PPP3CA: variants seen among roughly 807,000 people sequenced by gnomAD.
PPP3CA encodes the protein protein phosphatase 3 catalytic subunit alpha, also known as CAM-PRP catalytic subunit.
PPP3CA carries 14 observed loss-of-function variants against 66.5 expected under a neutral mutation model. That is an observed-to-expected ratio of 0.21 (90% CI 0.14 to 0.33). PPP3CA has a LOEUF of 0.33. Ranked by LOEUF, PPP3CA falls within the 10% of genes least tolerant of loss-of-function variation. PPP3CA has a pLI of 1.00. For missense variants in PPP3CA, 317 were observed against 639.5 expected (o/e 0.50, Z 5.44); for synonymous variants, 232 against 226.2 (o/e 1.03, Z -0.23).
At chr4:101,092,380 T>C (rs79749190) in intron 6 of PPP3CA, among the ~76,000 whole-genome samples, 7,937 of 151,986 alleles carry the variant, frequency 0.052, 333 homozygotes, top group African/African-American at 0.11. Context: ...TTAAATGTGA[T>C]AACATAATTG....
intron 2 of PPP3CA, among the ~76,000 whole-genome samples, chr4:101,174,469 A>C (rs530657996): frequency 6.6e-6 from 1 of 152,316 alleles, no homozygotes; most frequent in South Asian, 2.1e-4. Context: ...ATCTGGCTTA[A>C]ATATTTTCTA....
chr4:101,267,034 G>A (rs1727189930), intron 1 of PPP3CA, among the ~76,000 whole-genome samples: 2 of 152,198 alleles, frequency 1.3e-5, no homozygotes, highest in African/African-American at 2.4e-5. Context: ...GGGCCATGGT[G>A]TGAAGTCAGA....
intron 1 of PPP3CA, among the ~76,000 whole-genome samples, chr4:101,267,051 T>G (rs1468717610): frequency 6.6e-6 from 1 of 152,222 alleles, no homozygotes. Flanking sequence ...CAGACCTTAT[T>G]ACCAATCTGC....
At chr4:101,111,490 G>T (rs1267952129) in intron 2 of PPP3CA, among the ~76,000 whole-genome samples, 1 of 152,088 alleles carries the variant, frequency 6.6e-6, no homozygotes, top group Admixed American at 6.6e-5. Context: ...CTAAGACATA[G>T]GCTTCAGACA....
intron 2 of PPP3CA, among the ~76,000 whole-genome samples, chr4:101,131,489 A>T (rs1429681554): frequency 1.3e-5 from 2 of 149,124 alleles, no homozygotes; most frequent in South Asian, 2.1e-4. Flanking sequence ...CAACAAAGAT[A>T]AAAAAAAAGA....
chr4:101,040,593 T>G, intron 10 of PPP3CA, 27 bp from the exon 11 acceptor site: 1 of 1,565,670 alleles, frequency 6.4e-7, no homozygotes, highest in Non-Finnish European at 8.7e-7. Context: ...AGTTCAGTGG[T>G]CAGTAATTTT....
At chr4:101,260,005 C>G (rs558254689) in intron 1 of PPP3CA, among the ~76,000 whole-genome samples, 1 of 152,286 alleles carries the variant, frequency 6.6e-6, no homozygotes, top group African/African-American at 2.4e-5. Context: ...CCTTTCAAGG[C>G]AGAAACTGCT....
chr4:101,059,426 A>G (rs1728364862), intron 10 of PPP3CA, among the ~76,000 whole-genome samples: 1 of 152,170 alleles, frequency 6.6e-6, no homozygotes, highest in Non-Finnish European at 1.5e-5. Context: ...AGTAATAAAG[A>G]CAAGAGAAGT....
At chr4:101,067,550 A>T (rs1418546551) in intron 8 of PPP3CA, among the ~76,000 whole-genome samples, 1 of 151,534 alleles carries the variant, frequency 6.6e-6, no homozygotes, top group Non-Finnish European at 1.5e-5. Flanking sequence ...CAAAAAAAAA[A>T]ACAACTAGTA....
At chr4:101,152,294 TAAATC>T (rs947264463) in intron 2 of PPP3CA, among the ~76,000 whole-genome samples, 47 of 152,344 alleles carry the variant, frequency 3.1e-4, no homozygotes, top group Admixed American at 2.5e-3. Context: ...TGTATTAACA[TAAATC>T]CTTATGAAAC....
At chr4:101,109,752 T>C (rs143246322) in intron 2 of PPP3CA, among the ~76,000 whole-genome samples, 5,474 of 152,130 alleles carry the variant, frequency 0.036, 157 homozygotes, top group Middle Eastern at 0.11. Context: ...TTAAAAGCTG[T>C]GACACATAAT....
chr4:101,310,778 A>C (rs1728697152), intron 1 of PPP3CA, among the ~76,000 whole-genome samples: 1 of 152,244 alleles, frequency 6.6e-6, no homozygotes. Flanking sequence ...AACAAAATTC[A>C]ATACAATGAA....
At chr4:101,049,354 CT>C (rs957275132) in intron 10 of PPP3CA, among the ~76,000 whole-genome samples, 17 of 152,094 alleles carry the variant, frequency 1.1e-4, no homozygotes, top group South Asian at 4.2e-4. Context: ...ATTGCTCCCC[CT>C]GCCTTTGTTT....
chr4:101,310,305 A>G (rs1728681180), intron 1 of PPP3CA, among the ~76,000 whole-genome samples: 1 of 152,222 alleles, frequency 6.6e-6, no homozygotes, highest in South Asian at 2.1e-4. Flanking sequence ...TGACTCACAG[A>G]TATTATTAAT....
At chr4:101,161,961 C>T (rs1160042421) in intron 2 of PPP3CA, among the ~76,000 whole-genome samples, 6 of 152,092 alleles carry the variant, frequency 3.9e-5, no homozygotes, top group South Asian at 4.1e-4. Flanking sequence ...TGAAATAGGC[C>T]GGGCGCGGTG....
chr4:101,330,506 G>T, intron 1 of PPP3CA: 1 of 501,784 alleles, frequency 2.0e-6, no homozygotes, highest in Non-Finnish European at 4.1e-6. Context: ...TTTTTTAAGT[G>T]AAGTATGTAC....
intron 1 of PPP3CA, among the ~76,000 whole-genome samples, chr4:101,326,761 C>T (rs1729221289): frequency 6.6e-6 from 1 of 152,244 alleles, no homozygotes; most frequent in Non-Finnish European, 1.5e-5. Context: ...ATTCTCTGGT[C>T]TACAAGTAAC....
At chr4:101,308,321 A>G (rs1728610209) in intron 1 of PPP3CA, among the ~76,000 whole-genome samples, 1 of 152,250 alleles carries the variant, frequency 6.6e-6, no homozygotes, top group Non-Finnish European at 1.5e-5. Context: ...TTAAAACTGG[A>G]AAGGAGAAAC....
intron 8 of PPP3CA, among the ~76,000 whole-genome samples, chr4:101,070,663 A>C (rs915083722): frequency 6.6e-6 from 1 of 152,250 alleles, no homozygotes; most frequent in Non-Finnish European, 1.5e-5. Flanking sequence ...AATCAGATGA[A>C]ATATTTTGTC....
Sources: allele counts gnomAD v4.1 joint callset (sites outside exome capture counted in the v4.1 genomes callset), GRCh38; gene constraint gnomAD v4.1.1; transcripts MANE v1.5; gene names NCBI Gene and HGNC (gene_info 2026-07-23, HGNC 2026-07-21).